NFIB: variants seen among roughly 807,000 people sequenced by gnomAD.
NFIB encodes the protein nuclear factor I B, also known as nuclear factor 1 B-type.
A neutral mutation model predicts 61.5 loss-of-function variants in NFIB; 11 were observed. The ratio of observed to expected loss-of-function variants is 0.18; its 90% CI spans 0.11 to 0.30. NFIB has a LOEUF of 0.30. Among genes scored for constraint, NFIB ranks in the 10% least tolerant of loss-of-function variants. The probability of loss-of-function intolerance (pLI) is 1.00; values close to 1 mark genes in which losing one functional copy is unlikely to be tolerated. For missense variants in NFIB, 471 were observed against 608.9 expected, an observed-to-expected ratio of 0.77 and a Z score of 2.38; for synonymous variants, 260 against 216.5, an observed-to-expected ratio of 1.20 and a Z score of -1.76.
chr9:14,173,731 C>T (rs2045833174), intron 3 of NFIB, among the ~76,000 whole-genome samples: 1 of 152,138 alleles, frequency 6.6e-6, no homozygotes, highest in South Asian at 2.1e-4. Context: ...TAATTGTTAA[C>T]TCAGCAATCG....
intron 3 of NFIB, among the ~76,000 whole-genome samples, chr9:14,177,361 T>A (rs377730101): frequency 2.6e-5 from 4 of 151,382 alleles, no homozygotes; most frequent in African/African-American, 9.7e-5. Flanking sequence ...AAGTTCTAGT[T>A]GTTCACATTT....
intron 9 of NFIB, among the ~76,000 whole-genome samples, chr9:14,115,050 A>G (rs2037919163): frequency 6.6e-6 from 1 of 152,174 alleles, no homozygotes; most frequent in Non-Finnish European, 1.5e-5. Flanking sequence ...ACTGATGGGT[A>G]TTACAAGCCT....
intron 10 of NFIB, among the ~76,000 whole-genome samples, chr9:14,111,741 A>G (rs1216302659): frequency 6.6e-6 from 1 of 152,142 alleles, no homozygotes; most frequent in Non-Finnish European, 1.5e-5. Flanking sequence ...AATTATTATT[A>G]TTTGGTATTT....
chr9:14,506,866 G>C, the NFIB span, among the ~76,000 whole-genome samples: 1 of 152,044 alleles, frequency 6.6e-6, no homozygotes, highest in African/African-American at 2.4e-5. Flanking sequence ...AGGCTTATTA[G>C]GTTTTCTTTC....
At chr9:14,257,333 A>T (rs2132195394) in intron 2 of NFIB, among the ~76,000 whole-genome samples, 1 of 152,358 alleles carries the variant, frequency 6.6e-6, no homozygotes, top group Non-Finnish European at 1.5e-5. Context: ...TGAAACACTG[A>T]AAGTCACTCT....
chr9:14,318,507 T>A (rs1297095620), upstream of NFIB, among the ~76,000 whole-genome samples: 1 of 138,920 alleles, frequency 7.2e-6, no homozygotes, highest in Non-Finnish European at 1.6e-5. Context: ...CTCGATGCCT[T>A]TTTTTTTTTT....
intron 3 of NFIB, among the ~76,000 whole-genome samples, chr9:14,158,435 T>A (rs2043724179): frequency 6.6e-6 from 1 of 152,238 alleles, no homozygotes; most frequent in South Asian, 2.1e-4. Context: ...ACTAATTTTA[T>A]ACTTTGTACT....
At position 14,133,757 on chromosome 9, in the gene NFIB, T is replaced by C. The variant is rs138395448; in HGVS notation, c.926-7991A>G. On this transcript the variant is annotated intron_variant, in intron 6 of 10. Coordinates refer to ENST00000380953, the MANE Select transcript of NFIB (RefSeq NM_001190737.2). ...GAATAAGACAACTATTAAGGCCAGA[T>C]TGGGGCAGCATCTAGCCTGCCAGAT... Among the ~76,000 whole-genome samples, 33 of 152,322 alleles carry C rather than the reference T, an allele frequency of 2.2e-4. No homozygotes were observed. In the East Asian group the frequency reaches 5.6e-3, roughly 26 times the overall value.
intron 3 of NFIB, among the ~76,000 whole-genome samples, chr9:14,174,458 A>C (rs1403418176): frequency 6.6e-6 from 1 of 152,184 alleles, no homozygotes; most frequent in Non-Finnish European, 1.5e-5. Context: ...GAGAAGGAAT[A>C]GACATGAATT....
Position 14,109,674 on chromosome 9 carries a change from G to T in NFIB, c.1467+3325C>A, listed in dbSNP as rs141811788. 3.4e-3 allele frequency among the ~76,000 whole-genome samples: 520 copies of T among 152,198 alleles called. 2 individuals carry two copies. The highest frequency in any genetic ancestry group is 0.012 in the African/African-American group (496 of 41,574). ...AGACTTGAAAAGTATTCAAGATTGT[G>T]TTAAGAGATAAAGAAAAAGTCTAAA... is the stretch of plus-strand genomic sequence containing the variant. On this transcript the variant is annotated intron_variant, in intron 10 of 10. Transcript: ENST00000380953.
At chr9:14,105,474 C>T (rs1047722252) in intron 10 of NFIB, among the ~76,000 whole-genome samples, 6 of 152,082 alleles carry the variant, frequency 3.9e-5, no homozygotes, top group Admixed American at 1.3e-4. Context: ...TGAGGAGACA[C>T]GCTATAACTT....
chr9:14,307,607 C>G lies in NFIB; in HGVS notation c.31-87G>C. On this transcript the variant is annotated intron_variant, in intron 1 of 10. Transcript: ENST00000380953. This position sits in a 1 kb window ranked among gnomAD's most constrained non-coding sequence, Gnocchi z 5.3. ...AAAATAAGAAAAGAAGACCACAACCCGTTTCCAATTCAGTACAAAAAGTTA... is the reference window on the plus strand; with the variant it reads ...AAAATAAGAAAAGAAGACCACAACCGGTTTCCAATTCAGTACAAAAAGTTA... The G allele has an allele frequency of 1.5e-6, 2 of 1,291,546 alleles. No individual in the cohort carries two copies. Among genetic ancestry groups the G allele is most frequent in the Admixed American group, 5.4e-5 (2 of 36,708 alleles). 80.0% of individuals were successfully genotyped at this position (1,291,546 alleles called of 1,614,324 possible).
intron 1 of NFIB, among the ~76,000 whole-genome samples, chr9:14,389,700 T>C (rs925892242): frequency 2.6e-5 from 4 of 151,938 alleles, no homozygotes; most frequent in African/African-American, 9.7e-5. Context: ...TCAATTAGAG[T>C]TGGATCACAA....
At chr9:14,230,354 G>A (rs2052971811) in intron 2 of NFIB, among the ~76,000 whole-genome samples, 3 of 152,058 alleles carry the variant, frequency 2.0e-5, no homozygotes, top group African/African-American at 7.2e-5. Flanking sequence ...ATTTCCAATG[G>A]GTATTAACAA....
At chr9:14,182,681 C>T (rs1307831976) in intron 2 of NFIB, among the ~76,000 whole-genome samples, 1 of 54,966 alleles carries the variant, frequency 1.8e-5, no homozygotes, top group Admixed American at 1.7e-4. Flanking sequence ...CAACACCCCC[C>T]ACCTCTCTCT....
In NFIB at chr9:14,179,791, A is replaced by G. The variant is rs373714751; in HGVS notation, c.563-11T>C. 1 of 1,612,604 alleles carries G rather than the reference A, an allele frequency of 6.2e-7. No individual in the cohort carries two copies. Among genetic ancestry groups the G allele is most frequent in the Non-Finnish European group, 8.5e-7 (1 of 1,179,246 alleles). The stretch of plus-strand genomic sequence containing the variant: ...CTGATTGTCCAGAATCTGTAAAGAA[A>G]TCACAGAAAATGTTTTCTTTTTAAT... On this transcript the variant is annotated splice_polypyrimidine_tract_variant and intron_variant, in intron 2 of 10. Coordinates refer to ENST00000380953, the MANE Select transcript of NFIB (RefSeq NM_001190737.2).
At chr9:14,207,957 G>A (rs768495677) in intron 2 of NFIB, among the ~76,000 whole-genome samples, 1 of 152,148 alleles carries the variant, frequency 6.6e-6, no homozygotes, top group Non-Finnish European at 1.5e-5. Context: ...GAATTTAGGT[G>A]GTGGGTTCCC....
the NFIB span, among the ~76,000 whole-genome samples, chr9:14,431,752 A>AG: frequency 6.6e-6 from 1 of 151,908 alleles, no homozygotes; most frequent in African/African-American, 2.4e-5. Flanking sequence ...ACTGTCATCC[A>AG]GGGGAAAAAG....
At chr9:14,139,893 G>A (rs1456633468) in intron 6 of NFIB, among the ~76,000 whole-genome samples, 3 of 152,184 alleles carry the variant, frequency 2.0e-5, no homozygotes, top group African/African-American at 4.8e-5. Context: ...CAGGGTGGAA[G>A]CATCCTTGAA....
Sources: gnomAD v4.1 joint callset for allele counts (sites outside exome capture counted in the v4.1 genomes callset) on GRCh38, gnomAD v4.1.1 for gene constraint, Gnocchi (gnomAD v3.1) non-coding constraint, MANE v1.5 for transcripts, NCBI Gene and HGNC (gene_info 2026-07-23, HGNC 2026-07-21) for gene names.